Variants in DNAH5 observed in about 807,000 individuals in gnomAD.
The protein encoded by DNAH5 is dynein axonemal heavy chain 5, also known as axonemal beta dynein heavy chain 5.
A neutral mutation model predicts 518.2 loss-of-function variants in DNAH5; 372 were observed. The observed-to-expected ratio is 0.72, with a 90% CI of 0.66 to 0.78. The LOEUF (loss-of-function observed/expected upper bound fraction) is 0.78, where lower values mean the gene tolerates loss of function less well. Ranked by LOEUF, DNAH5 falls within the 30% of genes least tolerant of loss-of-function variation. The pLI is 0.00. For synonymous variants in DNAH5, 2,039 were observed against 2,025.9 expected (o/e 1.01, Z -0.17); for missense variants, 5,523 against 5,687.0 (o/e 0.97, Z 0.93).
chr5:13,896,584 A>G lies in DNAH5; in HGVS notation c.2260-1763T>C, dbSNP rs146617965. On this transcript the variant is annotated intron_variant, in intron 15 of 78. Transcript: ENST00000265104. The stretch of plus-strand genomic sequence containing the variant: ...CAGTGTTCATTTTCTGTTTTACCCA[A>G]TTAGACTATAAGTTCTACAAGGACA... 22 of 152,314 alleles carry G rather than the reference A, an allele frequency of 1.4e-4. No individual in the cohort carries two copies. The East Asian group carries it at 1.9e-3, about 13-fold the overall frequency. The allele number at this position is 152,314 out of a possible 1,614,324, so 9.4% of individuals were successfully genotyped here.
At chr5:13,851,498 CT>C (rs1327344237) in intron 30 of DNAH5, among the ~76,000 whole-genome samples, 1 of 151,800 alleles carries the variant, frequency 6.6e-6, no homozygotes, top group Non-Finnish European at 1.5e-5. Context: ...TTTGTAGAAA[CT>C]GGGTTTCATC....
intron 69 of DNAH5, among the ~76,000 whole-genome samples, chr5:13,728,494 G>A (rs889382851): frequency 6.6e-6 from 1 of 152,192 alleles, no homozygotes; most frequent in African/African-American, 2.4e-5. Flanking sequence ...TAATATTGAG[G>A]GGTTTCGTGC....
intron 59 of DNAH5, among the ~76,000 whole-genome samples, chr5:13,764,609 T>C (rs1321519944): frequency 1.3e-5 from 2 of 152,222 alleles, no homozygotes; most frequent in Non-Finnish European, 2.9e-5. Flanking sequence ...TATATATAGA[T>C]ACATCAGTTT....
At chr5:13,952,820 T>C (rs189912248) in intron 1 of DNAH5, among the ~76,000 whole-genome samples, 5 of 152,308 alleles carry the variant, frequency 3.3e-5, no homozygotes, top group Non-Finnish European at 7.4e-5. Context: ...TCTCACTCTG[T>C]TGCCCAGGTT....
intron 69 of DNAH5, 64 bp downstream of exon 69, chr5:13,729,375 C>T: frequency 6.2e-7 from 1 of 1,601,702 alleles, no homozygotes; most frequent in Non-Finnish European, 8.5e-7. Flanking sequence ...AATATTGTAC[C>T]TAGTGATAAA....
At chr5:13,784,062 C>T (rs1435230496) in intron 52 of DNAH5, among the ~76,000 whole-genome samples, 1 of 152,144 alleles carries the variant, frequency 6.6e-6, no homozygotes, top group Non-Finnish European at 1.5e-5. Context: ...TCAAGAAAGC[C>T]TCCTCACTCA....
At position 13,726,190 on chromosome 5, in the gene DNAH5, A is replaced by C. The variant is rs139428519; in HGVS notation, c.12033+1317T>G. 3.5e-3 allele frequency among the ~76,000 whole-genome samples: 533 copies of C among 152,342 alleles called. 6 individuals carry two copies. Among genetic ancestry groups the C allele is most frequent in the Middle Eastern group, 0.014 (4 of 294 alleles). On this transcript the variant is annotated intron_variant, in intron 70 of 78. Coordinates refer to ENST00000265104, the MANE Select transcript of DNAH5 (RefSeq NM_001369.3). ...AGGTTGAAAATCACAAAAGGATTCT[A>C]AAAGGAGAATAAGAACTTGAGAGAA...
chr5:13,890,864 C>T, intron 17 of DNAH5, 112 bp downstream of exon 17: 1 of 1,170,680 alleles, frequency 8.5e-7, no homozygotes, highest in African/African-American at 1.5e-5. Flanking sequence ...ACTTCTATCA[C>T]AGAGCACTGC....
chr5:13,953,202 A>G (rs1051137302), intron 1 of DNAH5, among the ~76,000 whole-genome samples: 13 of 152,196 alleles, frequency 8.5e-5, no homozygotes, highest in African/African-American at 2.7e-4. Context: ...GGGTTTCAAC[A>G]CTTCTCACTA....
At chr5:13,835,378 C>T (rs1764234518) in intron 35 of DNAH5, among the ~76,000 whole-genome samples, 1 of 152,004 alleles carries the variant, frequency 6.6e-6, no homozygotes, top group Non-Finnish European at 1.5e-5. Context: ...ATAAAAGTAG[C>T]TCCCGAAACA....
rs1277250793 is a variant in DNAH5, at chr5:13,718,947, A to G, written c.12434T>C (p.Met4145Thr). 1.2e-6 allele frequency: 2 copies of G among 1,614,118 alleles called. No individual in the cohort carries two copies. Among genetic ancestry groups the G allele is most frequent in the South Asian group, 2.2e-5 (2 of 91,082 alleles). ...HKQFPITLLQMSIKFANDPPQ... is the reference protein window; with the variant it reads ...HKQFPITLLQTSIKFANDPPQ... ...AGGATCGTTGGCAAATTTAATGGAC[A>G]TCTGAAGGAGTGTAATGGGAAACTG... The change falls in exon 72 of 79, where the codon ATG (methionine) becomes ACG (threonine). Residue 4145 changes from methionine to threonine, a missense_variant. By Grantham distance (81) the Met-to-Thr change is moderately conservative. This residue lies in a region of DNAH5 where 5,121 missense variants were observed against 5,223.3 expected (regional missense o/e 0.98). Coordinates refer to ENST00000265104, the MANE Select transcript of DNAH5 (RefSeq NM_001369.3).
At chr5:13,914,340 G>A (rs553290714) in intron 10 of DNAH5, among the ~76,000 whole-genome samples, 180 bp downstream of exon 10, 3 of 152,080 alleles carry the variant, frequency 2.0e-5, no homozygotes, top group African/African-American at 7.2e-5. Context: ...CTCCCAAGGA[G>A]GGTACAAAAA....
chr5:13,941,538 C>T (rs1779459849), intron 1 of DNAH5, among the ~76,000 whole-genome samples: 1 of 152,144 alleles, frequency 6.6e-6, no homozygotes, highest in African/African-American at 2.4e-5. Context: ...GGTTAATTTG[C>T]CAGAGAATGA....
chr5:13,842,800 C>A (rs1765468430), intron 32 of DNAH5, among the ~76,000 whole-genome samples: 1 of 152,136 alleles, frequency 6.6e-6, no homozygotes, highest in South Asian at 2.1e-4. Context: ...ACCCACACAA[C>A]CAAAATCTGC....
In DNAH5 at chr5:13,717,534, T is replaced by C. The variant is rs2126510171; in HGVS notation, c.12500-14A>G. On this transcript the variant is annotated splice_polypyrimidine_tract_variant and intron_variant, in intron 72 of 78. Coordinates refer to ENST00000265104, the MANE Select transcript of DNAH5 (RefSeq NM_001369.3). ...CTTGGCTGACACCTGTTGTGGTCAG[T>C]TGGGTGAAAAATGTATCATCTCTCA... 12 of 1,609,774 alleles carry C rather than the reference T, an allele frequency of 7.5e-6. No individual in the cohort carries two copies. The highest frequency in any genetic ancestry group is 1.0e-5 in the Non-Finnish European group (12 of 1,176,172).
In DNAH5 at chr5:13,885,096, AGTAACTC is replaced by A; in HGVS notation, c.2869_2875del (p.Glu957SerfsTer13). The A allele has an allele frequency of 6.2e-7, 1 of 1,614,206 alleles. No homozygotes were observed. Among genetic ancestry groups the A allele is most frequent in the African/African-American group, 1.3e-5 (1 of 75,046 alleles). On this transcript the variant is annotated frameshift_variant, in exon 19 of 79. Coordinates refer to ENST00000265104, the MANE Select transcript of DNAH5 (RefSeq NM_001369.3). LOFTEE classifies it high-confidence loss of function. ...CATGTTCTGATGGTTGAAATGAGAG[AGTAACTC>A]GCGGGCTTCTTCCCCTAACATCTCA...
Position 13,691,749 on chromosome 5 carries a change from C to T in DNAH5, c.*235G>A. Reference sequence around the variant, plus strand: ...TTGAGGGCCACACTTCATTAGGATGCTGTAAATTTACTTTTATATCACTAA... The same window carrying T: ...TTGAGGGCCACACTTCATTAGGATGTTGTAAATTTACTTTTATATCACTAA... On this transcript the variant is annotated 3_prime_UTR_variant, in exon 79 of 79. Coordinates refer to ENST00000265104, the MANE Select transcript of DNAH5 (RefSeq NM_001369.3). 1.9e-6 allele frequency: 1 copy of T among 534,276 alleles called. No individual in the cohort carries two copies. Among genetic ancestry groups the T allele is most frequent in the Non-Finnish European group, 3.3e-6 (1 of 299,804 alleles). 33.1% of individuals were successfully genotyped at this position (534,276 alleles called of 1,614,324 possible).
At chr5:13,973,084 G>T (rs548146791) in intron 1 of DNAH5, among the ~76,000 whole-genome samples, 34 of 152,318 alleles carry the variant, frequency 2.2e-4, no homozygotes, top group African/African-American at 8.2e-4. Flanking sequence ...GGATTATCCA[G>T]GTGGGCCCAA....
chr5:13,913,401 T>C (rs1823047), intron 11 of DNAH5, among the ~76,000 whole-genome samples: 69,687 of 151,860 alleles, frequency 0.46, 17,073 homozygotes, highest in East Asian at 0.85. Flanking sequence ...TAGTGCCTGA[T>C]ACAGTATACT....
Sources: allele counts gnomAD v4.1 joint callset (sites outside exome capture counted in the v4.1 genomes callset), GRCh38; gene constraint gnomAD v4.1.1; regional missense constraint gnomAD v4.1.1; transcripts MANE v1.5; gene names NCBI Gene and HGNC (gene_info 2026-07-23, HGNC 2026-07-21).